The following URB1 variants were observed in gnomAD, a reference collection of about 807,000 sequenced individuals.
URB1 encodes URB1 ribosome biogenesis factor.
Under a neutral mutation model 242.3 loss-of-function variants are expected in URB1, and 197 were observed. The ratio of observed to expected loss-of-function variants is 0.81; its 90% CI spans 0.72 to 0.91. URB1 has a LOEUF of 0.91. Ranked by LOEUF, URB1 falls within the 40% of genes least tolerant of loss-of-function variation. The pLI, the probability that URB1 is intolerant of heterozygous loss-of-function variation, is 0.00. For missense variants in URB1, 2,721 were observed against 2,860.5 expected (o/e 0.95, Z 1.11); for synonymous variants, 1,153 against 1,201.8 (o/e 0.96, Z 0.84).
At chr21:32,359,997 A>C in intron 13 of URB1, 89 bp from the exon 14 acceptor site, 33 of 1,186,136 alleles carry the variant, frequency 2.8e-5, no homozygotes, top group Non-Finnish European at 3.3e-5. Flanking sequence ...CAAGGAACTC[A>C]CCATGGAGAA....
At chr21:32,375,526 G>C in intron 5 of URB1, 43 bp from the exon 6 acceptor site, 1 of 1,195,852 alleles carries the variant, frequency 8.4e-7, no homozygotes. Flanking sequence ...AAAATATTTT[G>C]AAAATGAGAA....
At chr21:32,321,982 T>A (rs1459957845) in intron 33 of URB1, 38 bp from the exon 34 acceptor site, 1 of 1,543,800 alleles carries the variant, frequency 6.5e-7, no homozygotes, top group Non-Finnish European at 8.8e-7. Context: ...TGTTAATAAG[T>A]GAAAGTCCTT....
chr21:32,333,818 T>A (rs2032923625), intron 29 of URB1, among the ~76,000 whole-genome samples: 2 of 152,206 alleles, frequency 1.3e-5, no homozygotes, highest in African/African-American at 4.8e-5. Flanking sequence ...TACCCTCTAC[T>A]GCCAGAGCTC....
intron 36 of URB1, among the ~76,000 whole-genome samples, chr21:32,318,791 C>T (rs911199080): frequency 1.2e-4 from 19 of 152,180 alleles, no homozygotes; most frequent in African/African-American, 4.3e-4. Context: ...AATGAGTCTT[C>T]GCAGGCTAAT....
rs566275950 is a variant in URB1 at position 32,342,847 on chromosome 21, T to C, written c.4258-1323A>G. 2.6e-5 allele frequency among the ~76,000 whole-genome samples: 4 copies of C among 152,296 alleles called. No individual in the cohort carries two copies. The East Asian group carries it at 7.7e-4, about 29-fold the overall frequency. On this transcript the variant is annotated intron_variant, in intron 24 of 38. Transcript: ENST00000382751. The stretch of plus-strand genomic sequence containing the variant: ...TGTGCAAAAATGGACCATGCAAAGA[T>C]GTTTATCACAGCATTCTTTATCATA...
intron 30 of URB1, among the ~76,000 whole-genome samples, chr21:32,331,377 T>C (rs1209846565): frequency 6.6e-6 from 1 of 152,236 alleles, no homozygotes; most frequent in Non-Finnish European, 1.5e-5. Flanking sequence ...GAACTTAGAC[T>C]TCCCAATTCT....
At chr21:32,363,955 C>CTT (rs370273015) in intron 10 of URB1, among the ~76,000 whole-genome samples, 2 of 146,736 alleles carry the variant, frequency 1.4e-5, no homozygotes, top group East Asian at 2.0e-4. Flanking sequence ...TGTGCCTAGC[C>CTT]TTTTTTTTTT....
At chr21:32,349,558 C>G in intron 20 of URB1, 75 bp from the exon 21 acceptor site, 2 of 1,432,764 alleles carry the variant, frequency 1.4e-6, no homozygotes, top group Non-Finnish European at 1.8e-6. Flanking sequence ...TTCCAGGGCC[C>G]GTGTTTTCAG....
intron 28 of URB1, 108 bp from the exon 29 acceptor site, chr21:32,334,442 G>A: frequency 7.7e-7 from 1 of 1,296,398 alleles, no homozygotes; most frequent in Non-Finnish European, 1.0e-6. Flanking sequence ...TTCACACCAG[G>A]TGCTGTTCTG....
intron 2 of URB1, 126 bp downstream of exon 2, chr21:32,385,419 C>T: frequency 1.5e-6 from 2 of 1,367,204 alleles, no homozygotes; most frequent in East Asian, 5.1e-5. Context: ...TCCTACAGCA[C>T]AGGGACAAAG....
chr21:32,339,152 G>A (rs569171211), intron 25 of URB1, among the ~76,000 whole-genome samples: 10 of 151,806 alleles, frequency 6.6e-5, no homozygotes, highest in Admixed American at 2.6e-4. Context: ...GCACCACCAC[G>A]CCTGGCTAAT....
intron 6 of URB1, among the ~76,000 whole-genome samples, chr21:32,374,064 T>G (rs2033433758): frequency 6.6e-6 from 1 of 152,220 alleles, no homozygotes; most frequent in South Asian, 2.1e-4. Flanking sequence ...TTTATTTATA[T>G]ATGATTACTT....
At chr21:32,357,309 C>A in intron 15 of URB1, among the ~76,000 whole-genome samples, 1 of 142,948 alleles carries the variant, frequency 7.0e-6, no homozygotes, top group Non-Finnish European at 1.5e-5. Context: ...TAGAAATGAC[C>A]TACCTAAAAA....
Position 32,350,688 on chromosome 21 carries a change from T to C in URB1, c.2832+16A>G, listed in dbSNP as rs748620500. The C allele has an allele frequency of 2.3e-4, 358 of 1,548,180 alleles. No homozygotes were observed. Among genetic ancestry groups the C allele is most frequent in the Non-Finnish European group, 2.8e-4 (322 of 1,144,722 alleles). Reference sequence around the variant, plus strand: ...GCAGAGCTCTGAAGCCTGTGGAGGATGGGGGCAACGCTGACCTGGCCGAAG... The same window carrying C: ...GCAGAGCTCTGAAGCCTGTGGAGGACGGGGGCAACGCTGACCTGGCCGAAG... On this transcript the variant is annotated intron_variant, in intron 20 of 38. Coordinates refer to ENST00000382751, the MANE Select transcript of URB1 (RefSeq NM_014825.3).
At chr21:32,351,470 A>C (rs2033157797) in intron 19 of URB1, among the ~76,000 whole-genome samples, 2 of 152,184 alleles carry the variant, frequency 1.3e-5, no homozygotes, top group East Asian at 3.9e-4. Flanking sequence ...CACGTGGCTT[A>C]TGTTGCTATA....
At chr21:32,341,339 C>CT in intron 25 of URB1, 127 bp downstream of exon 25, 1 of 921,710 alleles carries the variant, frequency 1.1e-6, no homozygotes, top group East Asian at 2.7e-5. Context: ...ACTTCTATCT[C>CT]TAAAAACGAG....
intron 32 of URB1, among the ~76,000 whole-genome samples, chr21:32,324,273 C>A (rs966739867): frequency 9.8e-5 from 15 of 152,344 alleles, no homozygotes; most frequent in African/African-American, 3.6e-4. Flanking sequence ...GGATTTCACC[C>A]CCCAGGGGTC....
At chr21:32,360,723 G>A (rs970259897) in intron 13 of URB1, among the ~76,000 whole-genome samples, 2 of 152,202 alleles carry the variant, frequency 1.3e-5, no homozygotes, top group African/African-American at 4.8e-5. Flanking sequence ...TGACTTTAGA[G>A]TTAACGTCAC....
At chr21:32,366,782 G>A (rs768983984) in intron 9 of URB1, 27 bp from the exon 10 acceptor site, 12 of 1,549,982 alleles carry the variant, frequency 7.7e-6, no homozygotes, top group South Asian at 1.2e-5. Flanking sequence ...AGAGATTTAG[G>A]TGGTGCTAGA....
Sources: allele counts gnomAD v4.1 joint callset (sites outside exome capture counted in the v4.1 genomes callset), GRCh38; gene constraint gnomAD v4.1.1; transcripts MANE v1.5; gene names NCBI Gene and HGNC (gene_info 2026-07-23, HGNC 2026-07-21).